Variants in RAB3GAP2 observed in about 807,000 individuals in gnomAD.
RAB3GAP2 encodes rab3 GTPase-activating protein non-catalytic subunit.
In RAB3GAP2, 87 loss-of-function variants were observed where a neutral mutation model predicts 185.3. The ratio of observed to expected loss-of-function variants is 0.47; its 90% CI spans 0.39 to 0.56. RAB3GAP2 has a LOEUF of 0.56. RAB3GAP2 is among the 20% of genes least tolerant of loss of function. The probability of loss-of-function intolerance (pLI) is 0.00; values close to 1 mark genes in which losing one functional copy is unlikely to be tolerated. For synonymous variants in RAB3GAP2, 554 were observed against 576.1 expected (o/e 0.96, Z 0.55); for missense variants, 1,492 against 1,638.2 (o/e 0.91, Z 1.54).
chr1:220,266,581 C>T, intron 1 of RAB3GAP2: 3 of 897,554 alleles, frequency 3.3e-6, no homozygotes, highest in African/African-American at 3.3e-5. Context: ...CTCAGTAAAA[C>T]AAATATTTCT....
In RAB3GAP2 at chr1:220,150,798, A is replaced by G; in HGVS notation, c.*453T>C. 1 of 158,276 alleles carries G rather than the reference A, an allele frequency of 6.3e-6. No homozygotes were observed. Among genetic ancestry groups the G allele is most frequent in the Non-Finnish European group, 1.4e-5 (1 of 72,318 alleles). 9.8% of individuals were successfully genotyped at this position (158,276 alleles called of 1,614,324 possible). On this transcript the variant is annotated 3_prime_UTR_variant, in exon 35 of 35. Coordinates refer to ENST00000358951, the MANE Select transcript of RAB3GAP2 (RefSeq NM_012414.4). The stretch of plus-strand genomic sequence containing the variant: ...TGTGGGATTTGGAGCATGACAACAA[A>G]GGCATTTTCTCAACATTTACTAAAG...
At chr1:220,235,942 A>AATTT (rs1397484958) in intron 1 of RAB3GAP2, among the ~76,000 whole-genome samples, 1 of 152,216 alleles carries the variant, frequency 6.6e-6, no homozygotes, top group Admixed American at 6.5e-5. Context: ...AAGGAAAGAG[A>AATTT]ATTTAATTGG....
chr1:220,190,352 A>ATCCCT, intron 15 of RAB3GAP2, 25 bp downstream of exon 15: 1 of 1,614,042 alleles, frequency 6.2e-7, no homozygotes, highest in Non-Finnish European at 8.5e-7. Context: ...AGGAGCGTCA[A>ATCCCT]TCAGCAACAC....
chr1:220,164,473 G>GTTTTTTTTTTTTTTT (rs35024056), intron 27 of RAB3GAP2, among the ~76,000 whole-genome samples: 1 of 105,648 alleles, frequency 9.5e-6, no homozygotes, highest in African/African-American at 3.7e-5. Flanking sequence ...TTTTTGTTTT[G>GTTTTTTTTTTTTTTT]TTTTTTTTTT....
intron 9 of RAB3GAP2, 47 bp downstream of exon 9, chr1:220,202,229 A>G: frequency 6.3e-7 from 1 of 1,577,796 alleles, no homozygotes; most frequent in South Asian, 1.2e-5. Context: ...CTTCAATAAA[A>G]AGTGTAAGAA....
intron 1 of RAB3GAP2, among the ~76,000 whole-genome samples, chr1:220,247,845 T>C (rs1659848482): frequency 6.6e-6 from 1 of 152,080 alleles, no homozygotes; most frequent in African/African-American, 2.4e-5. Context: ...GAAAAAATTT[T>C]AAAAAGAACC....
chr1:220,174,273 T>G (rs996720677), intron 21 of RAB3GAP2, among the ~76,000 whole-genome samples: 2 of 151,964 alleles, frequency 1.3e-5, no homozygotes, highest in East Asian at 1.9e-4. Flanking sequence ...CACACACACA[T>G]ACACGCACAC....
chr1:220,253,620 G>C, intron 1 of RAB3GAP2: 1 of 1,578,960 alleles, frequency 6.3e-7, no homozygotes, highest in Non-Finnish European at 8.7e-7. Flanking sequence ...GTGAGCGAGT[G>C]CTGTGCTTTC....
At chr1:220,249,177 C>T (rs145995052) in intron 1 of RAB3GAP2, among the ~76,000 whole-genome samples, 78 of 152,220 alleles carry the variant, frequency 5.1e-4, no homozygotes, top group African/African-American at 1.8e-3. Flanking sequence ...AGGAAAATGT[C>T]GGAAAGTTTG....
Position 220,151,037 on chromosome 1 carries a change from G to A in RAB3GAP2, c.*214C>T. ...CATCTGTATTAATTATAACAGAGTT[G>A]ACATTTGTTTATATTTTATCTTCAG... On this transcript the variant is annotated 3_prime_UTR_variant, in exon 35 of 35. Coordinates refer to ENST00000358951, the MANE Select transcript of RAB3GAP2 (RefSeq NM_012414.4). 1.9e-6 allele frequency: 1 copy of A among 533,930 alleles called. No homozygotes were observed. Among genetic ancestry groups the A allele is most frequent in the Non-Finnish European group, 3.3e-6 (1 of 305,366 alleles). The allele number at this position is 533,930 out of a possible 1,614,324, so 33.1% of individuals were successfully genotyped here.
intron 7 of RAB3GAP2, among the ~76,000 whole-genome samples, chr1:220,210,006 AG>A (rs1378965382): frequency 2.0e-5 from 3 of 152,202 alleles, no homozygotes; most frequent in Non-Finnish European, 4.4e-5. Context: ...TAGTATCACT[AG>A]TAACAAGGCC....
intron 1 of RAB3GAP2, among the ~76,000 whole-genome samples, chr1:220,257,422 C>T (rs573091783): frequency 2.0e-4 from 30 of 151,910 alleles, no homozygotes; most frequent in African/African-American, 7.0e-4. Context: ...GAAAGAAATT[C>T]ACTCAAAACC....
At chr1:220,229,626 C>T (rs1659461955) in intron 2 of RAB3GAP2, among the ~76,000 whole-genome samples, 1 of 152,142 alleles carries the variant, frequency 6.6e-6, no homozygotes, top group Admixed American at 6.5e-5. Flanking sequence ...CACACAAATG[C>T]CTAACTATGT....
intron 21 of RAB3GAP2, among the ~76,000 whole-genome samples, chr1:220,179,053 T>C (rs1658349326): frequency 2.0e-5 from 3 of 151,768 alleles, no homozygotes; most frequent in Admixed American, 2.0e-4. Context: ...AGATATTCCA[T>C]AAAAATGAAA....
At chr1:220,267,093 A>G in intron 1 of RAB3GAP2, 1 of 1,564,888 alleles carries the variant, frequency 6.4e-7, no homozygotes, top group Non-Finnish European at 8.8e-7. Context: ...CTGACCACCC[A>G]AAATTTGCAA....
intron 1 of RAB3GAP2, among the ~76,000 whole-genome samples, chr1:220,242,521 C>T (rs1052949625): frequency 1.7e-4 from 26 of 152,150 alleles, no homozygotes; most frequent in African/African-American, 5.5e-4. Context: ...TGAAGGTTTC[C>T]GTGCAATTAA....
At chr1:220,154,107 G>T (rs1181317285) in intron 31 of RAB3GAP2, 50 bp from the exon 32 acceptor site, 1 of 1,604,532 alleles carries the variant, frequency 6.2e-7, no homozygotes, top group Admixed American at 1.7e-5. Flanking sequence ...TATTAAGGGG[G>T]GAGAGGGAGA....
intron 1 of RAB3GAP2, among the ~76,000 whole-genome samples, chr1:220,271,990 T>G (rs1369778266): frequency 6.6e-6 from 1 of 151,684 alleles, no homozygotes; most frequent in South Asian, 2.1e-4. Context: ...ACGCAGTTTT[T>G]AGCCAGGGGT....
Position 220,157,386 on chromosome 1 carries a change from G to A in RAB3GAP2, c.3439C>T (p.Gln1147Ter). 6.2e-7 allele frequency: 1 copy of A among 1,613,760 alleles called. No homozygotes were observed. The highest frequency in any genetic ancestry group is 8.5e-7 in the Non-Finnish European group (1 of 1,179,956). The change falls in exon 31 of 35, where the codon CAG becomes TAG. Residue 1147 changes from glutamine to a stop codon, truncating the protein, a stop_gained. Transcript: ENST00000358951. LOFTEE classifies it high-confidence loss of function. ...PISIVELALE[Q>*]KHIHYPLVEH... ...ACCAGTGGGTAGTGGATGTGCTTCT[G>A]TTCAAGGGCCAGTTCCACTATGGAG...
Sources: gnomAD v4.1 joint callset for allele counts (sites outside exome capture counted in the v4.1 genomes callset) on GRCh38, gnomAD v4.1.1 for gene constraint, MANE v1.5 for transcripts, NCBI Gene and HGNC (gene_info 2026-07-23, HGNC 2026-07-21) for gene names.